The following MTUS1 variants were observed in gnomAD, a reference collection of about 807,000 sequenced individuals.
The protein encoded by MTUS1 is microtubule associated scaffold protein 1.
A neutral mutation model predicts 120.8 loss-of-function variants in MTUS1; 109 were observed. That is an observed-to-expected ratio of 0.90 (90% CI 0.77 to 1.06). MTUS1 has a LOEUF of 1.06. MTUS1 is among the 50% of genes least tolerant of loss of function. The pLI, the probability that MTUS1 is intolerant of heterozygous loss-of-function variation, is 0.00. For synonymous variants in MTUS1, 737 were observed against 550.5 expected (o/e 1.34, Z -4.74); for missense variants, 2,210 against 1,486.3 (o/e 1.49, Z -8.01).
intron 6 of MTUS1, among the ~76,000 whole-genome samples, chr8:17,699,163 G>A (rs1017205771): frequency 4.4e-4 from 67 of 152,168 alleles, no homozygotes; most frequent in African/African-American, 1.5e-3. Context: ...CTTTCTTTTG[G>A]TTGTGTTTGT....
intron 7 of MTUS1, among the ~76,000 whole-genome samples, chr8:17,683,743 A>T (rs1317313810): frequency 1.3e-5 from 2 of 152,202 alleles, no homozygotes; most frequent in Non-Finnish European, 2.9e-5. Flanking sequence ...GTTGATATAA[A>T]CTTGGTTTTC....
chr8:17,749,928 T>C (rs918772753), intron 2 of MTUS1, among the ~76,000 whole-genome samples: 3 of 151,614 alleles, frequency 2.0e-5, no homozygotes, highest in African/African-American at 7.3e-5. Context: ...TCTCTTCAAA[T>C]ATATTACAGA....
At chr8:17,783,264 G>A (rs1339548489) in intron 1 of MTUS1, among the ~76,000 whole-genome samples, 5 of 152,224 alleles carry the variant, frequency 3.3e-5, no homozygotes, top group African/African-American at 9.6e-5. Flanking sequence ...CTGTGAAGGT[G>A]AGTGAGGTGT....
At chr8:17,764,940 G>T (rs114501567) in intron 1 of MTUS1, among the ~76,000 whole-genome samples, 8,564 of 152,148 alleles carry the variant, frequency 0.056, 474 homozygotes, top group African/African-American at 0.14. Flanking sequence ...ATTTCTATTA[G>T]TATTACATTG....
intron 8 of MTUS1, among the ~76,000 whole-genome samples, chr8:17,669,086 C>T (rs1268539471): frequency 6.6e-6 from 1 of 152,134 alleles, no homozygotes; most frequent in African/African-American, 2.4e-5. Flanking sequence ...AGCTATTGGC[C>T]TTGCCCTTGA....
rs1364992187 is a variant in MTUS1, at chr8:17,682,428, GA to G, written c.2838+1899del. On this transcript the variant is annotated intron_variant, in intron 7 of 14. Transcript: ENST00000693296. ...AGCTATTCGGGAGGCTGAGGAAGGA[GA>G]ATCACTTGAACCCGGGAGGTGGAGG... Among the ~76,000 whole-genome samples the G allele has an allele frequency of 2.0e-5, 3 of 146,998 alleles. No individual in the cohort carries two copies. In the Admixed American group the frequency reaches 2.1e-4, roughly 10 times the overall value.
intron 1 of MTUS1, among the ~76,000 whole-genome samples, chr8:17,771,861 C>A (rs1034162847): frequency 1.3e-5 from 2 of 152,184 alleles, no homozygotes. Flanking sequence ...TGTGAGAAAA[C>A]TGAGATCTAG....
chr8:17,724,957 T>C (rs1156501801), intron 3 of MTUS1, among the ~76,000 whole-genome samples: 3 of 152,212 alleles, frequency 2.0e-5, no homozygotes, highest in African/African-American at 4.8e-5. Flanking sequence ...AATCTTGCTT[T>C]GTTGCCCAGG....
chr8:17,676,072 A>G, intron 7 of MTUS1: 1 of 572,356 alleles, frequency 1.7e-6, no homozygotes, highest in South Asian at 2.3e-5. Context: ...AAGAATTTCA[A>G]AGCTCGCTGA....
At chr8:17,697,370 A>G in intron 6 of MTUS1, 2 of 1,614,084 alleles carry the variant, frequency 1.2e-6, no homozygotes, top group Non-Finnish European at 8.5e-7. Flanking sequence ...TTTGGGAGAC[A>G]ACAACATGTC....
rs1323135748 is a variant in MTUS1 at position 17,649,848 on chromosome 8, G to C, written c.3499C>G (p.Leu1167Val). The change falls in exon 13 of 15, where the codon CTG becomes GTG. Residue 1167 changes from leucine to valine, a missense_variant and splice_region_variant. Coordinates refer to ENST00000693296, the MANE Select transcript of MTUS1 (RefSeq NM_001363059.2). Reference sequence around the variant, plus strand: ...CTTTCATTCTGAAGGAAACATACCAGTTTCTCCATTTTCATTAACTTGATG... The same window carrying C: ...CTTTCATTCTGAAGGAAACATACCACTTTCTCCATTTTCATTAACTTGATG... ...QDIKLMKMEKLVDNNTALVDK... is the reference protein window; with the variant it reads ...QDIKLMKMEKVVDNNTALVDK... The C allele has an allele frequency of 6.6e-7, 1 of 1,522,034 alleles. No homozygotes were observed. The highest frequency in any genetic ancestry group is 9.1e-7 in the Non-Finnish European group (1 of 1,096,744). The allele number at this position is 1,522,034 out of a possible 1,614,324, so 94.3% of individuals were successfully genotyped here.
intron 5 of MTUS1, among the ~76,000 whole-genome samples, chr8:17,713,505 G>C (rs926232639): frequency 6.6e-6 from 1 of 152,054 alleles, no homozygotes; most frequent in Admixed American, 6.6e-5. Flanking sequence ...GTTTTAAAAG[G>C]AAAAGCCGCA....
At chr8:17,696,566 G>C (rs538362724) in intron 6 of MTUS1, among the ~76,000 whole-genome samples, 1 of 152,020 alleles carries the variant, frequency 6.6e-6, no homozygotes, top group African/African-American at 2.4e-5. Context: ...TAGCAACATA[G>C]GCCAACCCAA....
At chr8:17,698,647 A>C (rs1818441473) in intron 6 of MTUS1, among the ~76,000 whole-genome samples, 1 of 152,224 alleles carries the variant, frequency 6.6e-6, no homozygotes, top group Admixed American at 6.5e-5. Context: ...CAGTTCTTTT[A>C]GAAATTCTAT....
At chr8:17,796,240 GCCCAGC>G (rs1481351207) in intron 1 of MTUS1, among the ~76,000 whole-genome samples, 1 of 152,256 alleles carries the variant, frequency 6.6e-6, no homozygotes, top group Admixed American at 6.5e-5. Flanking sequence ...GAGCCACCAC[GCCCAGC>G]CCCAAGAACA....
intron 6 of MTUS1, among the ~76,000 whole-genome samples, chr8:17,690,847 T>A (rs79866816): frequency 0.023 from 3,527 of 152,206 alleles, 151 homozygotes; most frequent in African/African-American, 0.08. Flanking sequence ...CCCAAAGTAT[T>A]GCCTAAGATA....
intron 6 of MTUS1, among the ~76,000 whole-genome samples, chr8:17,693,558 T>C (rs1319646493): frequency 6.6e-6 from 1 of 152,208 alleles, no homozygotes; most frequent in East Asian, 1.9e-4. Context: ...AACTCCTTTG[T>C]TTCCTTGAAG....
rs2047506132 is a variant in MTUS1 at position 17,743,632 on chromosome 8, A to C, written c.2259T>G (p.Pro753=). The part of the protein sequence containing the change: ...RNPSADRAVS[P]QRIRRVSSSG... ...AACTGGACACACGCCTGATCCTCTG[A>C]GGAGATACGGCTCGATCAGCACTGG... The change falls in exon 3 of 15, where the codon CCT becomes CCG. Residue 753 remains proline, a synonymous_variant. Transcript: ENST00000693296. 1.2e-6 allele frequency: 2 copies of C among 1,614,032 alleles called. No individual in the cohort carries two copies. The highest frequency in any genetic ancestry group is 1.3e-5 in the African/African-American group (1 of 74,920).
At chr8:17,775,147 G>A (rs746066473) in intron 1 of MTUS1, among the ~76,000 whole-genome samples, 1 of 152,034 alleles carries the variant, frequency 6.6e-6, no homozygotes. Context: ...TGTGTGGGAT[G>A]ATGAACAAGT....
Sources: allele counts gnomAD v4.1 joint callset (sites outside exome capture counted in the v4.1 genomes callset), GRCh38; gene constraint gnomAD v4.1.1; transcripts MANE v1.5; gene names NCBI Gene and HGNC (gene_info 2026-07-23, HGNC 2026-07-21).